Variants in RNGTT observed in about 807,000 individuals in gnomAD.
The protein encoded by RNGTT is RNA guanylyltransferase and 5'-phosphatase.
RNGTT carries 33 observed loss-of-function variants against 79.3 expected under a neutral mutation model. That is an observed-to-expected ratio of 0.42 (90% CI 0.32 to 0.56). The LOEUF (loss-of-function observed/expected upper bound fraction) is 0.56, where lower values mean the gene tolerates loss of function less well. Among genes scored for constraint, RNGTT ranks in the 20% least tolerant of loss-of-function variants. The pLI is 0.17. For missense variants in RNGTT, 497 were observed against 739.1 expected (o/e 0.67, Z 3.80); for synonymous variants, 222 against 235.9 (o/e 0.94, Z 0.54).
At chr6:88,771,324 TATATATATA>T (rs1778664980) in intron 12 of RNGTT, among the ~76,000 whole-genome samples, 1 of 87,872 alleles carries the variant, frequency 1.1e-5, no homozygotes, top group Admixed American at 1.0e-4. Flanking sequence ...TGTATATATA[TATATATATA>T]TATATATATA....
chr6:88,843,655 T>C (rs1313416647), intron 11 of RNGTT, among the ~76,000 whole-genome samples: 4 of 146,610 alleles, frequency 2.7e-5, no homozygotes, highest in Non-Finnish European at 5.9e-5. Flanking sequence ...ACCTTCTGAG[T>C]TCAAGCGATT....
intron 8 of RNGTT, among the ~76,000 whole-genome samples, chr6:88,886,344 GCA>G (rs1782860981): frequency 6.6e-6 from 1 of 152,098 alleles, no homozygotes; most frequent in Non-Finnish European, 1.5e-5. Flanking sequence ...AAGAGACATG[GCA>G]ACCTAATGAA....
chr6:88,853,547 A>T, intron 9 of RNGTT, 82 bp downstream of exon 9: 1 of 990,714 alleles, frequency 1.0e-6, no homozygotes, highest in South Asian at 1.6e-5. Flanking sequence ...GAAATTTCTT[A>T]ACCAACAGAA....
intron 14 of RNGTT, among the ~76,000 whole-genome samples, chr6:88,661,432 CA>C (rs1205331063): frequency 6.6e-6 from 1 of 151,560 alleles, no homozygotes; most frequent in Admixed American, 6.6e-5. Flanking sequence ...TGAGATTAAC[CA>C]AAAAAGAAGA....
intron 11 of RNGTT, among the ~76,000 whole-genome samples, chr6:88,813,872 T>A (rs1030902057): frequency 6.6e-6 from 1 of 152,206 alleles, no homozygotes; most frequent in Non-Finnish European, 1.5e-5. Flanking sequence ...GTATGCTTTT[T>A]GAGGTCAGGA....
At chr6:88,671,926 T>G (rs1467512624) in intron 14 of RNGTT, among the ~76,000 whole-genome samples, 2 of 152,094 alleles carry the variant, frequency 1.3e-5, no homozygotes, top group Non-Finnish European at 2.9e-5. Flanking sequence ...AAAATGAAAC[T>G]GGATCCTCTT....
At chr6:88,739,384 AG>A (rs1394599188) in intron 13 of RNGTT, among the ~76,000 whole-genome samples, 2 of 152,102 alleles carry the variant, frequency 1.3e-5, no homozygotes, top group Non-Finnish European at 2.9e-5. Context: ...CAAAGGGAGA[AG>A]GCAAAACTAA....
chr6:88,699,757 C>CA (rs1175240323), intron 13 of RNGTT, among the ~76,000 whole-genome samples: 1 of 152,158 alleles, frequency 6.6e-6, no homozygotes, highest in Non-Finnish European at 1.5e-5. Flanking sequence ...GACATTCTGA[C>CA]ATGTTATAAT....
chr6:88,797,941 CAAAAAAAAAA>C (rs143559265), intron 12 of RNGTT, among the ~76,000 whole-genome samples: 2 of 65,814 alleles, frequency 3.0e-5, no homozygotes, highest in East Asian at 9.2e-4. Flanking sequence ...AAGCAAAAGC[CAAAAAAAAAA>C]AAAAAAAAAA....
chr6:88,912,237 T>G (rs1247896639), intron 4 of RNGTT, among the ~76,000 whole-genome samples: 1 of 149,258 alleles, frequency 6.7e-6, no homozygotes, highest in Non-Finnish European at 1.5e-5. Context: ...ACCCCATCTC[T>G]ACCAAAAAAA....
intron 8 of RNGTT, among the ~76,000 whole-genome samples, chr6:88,868,329 C>A (rs1782242060): frequency 2.0e-5 from 3 of 152,126 alleles, no homozygotes; most frequent in Admixed American, 6.6e-5. Flanking sequence ...AAATCAGAAG[C>A]TTATGGCTTA....
chr6:88,925,615 T>C (rs536277536), intron 4 of RNGTT, among the ~76,000 whole-genome samples: 1 of 150,274 alleles, frequency 6.7e-6, no homozygotes, highest in South Asian at 2.1e-4. Flanking sequence ...AAAAAACAAC[T>C]AGCTGTTACT....
intron 13 of RNGTT, among the ~76,000 whole-genome samples, chr6:88,738,135 G>T (rs530976623): frequency 6.6e-6 from 1 of 152,150 alleles, no homozygotes; most frequent in Non-Finnish European, 1.5e-5. Flanking sequence ...GATACAGTGT[G>T]ATAGAAATCG....
Position 88,715,670 on chromosome 6 carries a change from C to G in RNGTT, c.1440-37251G>C, listed in dbSNP as rs149372707. On this transcript the variant is annotated intron_variant, in intron 13 of 15. Transcript: ENST00000369485. ...CCTCAGAAATAATGCCGCATATCTA[C>G]AACCATCTGATCTTTCACAAACCTG... 6.6e-3 allele frequency among the ~76,000 whole-genome samples: 1,006 copies of G among 152,272 alleles called. 6 individuals are homozygous for G. Among genetic ancestry groups the G allele is most frequent in the Middle Eastern group, 0.054 (16 of 294 alleles).
At chr6:88,653,591 A>G (rs1476770965) in intron 14 of RNGTT, among the ~76,000 whole-genome samples, 1 of 152,210 alleles carries the variant, frequency 6.6e-6, no homozygotes, top group Non-Finnish European at 1.5e-5. Flanking sequence ...TATTGCCACA[A>G]AGATATACTA....
intron 15 of RNGTT, 106 bp downstream of exon 15, chr6:88,614,166 A>G: frequency 1.9e-6 from 2 of 1,066,850 alleles, no homozygotes; most frequent in East Asian, 2.4e-5. Context: ...ATGAAGTCCA[A>G]ATGACTATGC....
intron 11 of RNGTT, among the ~76,000 whole-genome samples, chr6:88,833,366 T>C (rs1449908034): frequency 2.6e-5 from 4 of 152,054 alleles, no homozygotes; most frequent in African/African-American, 4.8e-5. Context: ...AAGTGGGAGT[T>C]GAACAATGAG....
intron 6 of RNGTT, among the ~76,000 whole-genome samples, chr6:88,893,127 A>C (rs1193586732): frequency 6.6e-6 from 1 of 152,112 alleles, no homozygotes; most frequent in Non-Finnish European, 1.5e-5. Flanking sequence ...CTAAAGGAAA[A>C]AAAGAGTATT....
chr6:88,898,243 CAGAT>C (rs1475111152), intron 6 of RNGTT, among the ~76,000 whole-genome samples: 1 of 152,178 alleles, frequency 6.6e-6, no homozygotes, highest in Non-Finnish European at 1.5e-5. Context: ...AAATAATCCT[CAGAT>C]AAATACTTTC....
Sources: gnomAD v4.1 joint callset for allele counts (sites outside exome capture counted in the v4.1 genomes callset) on GRCh38, gnomAD v4.1.1 for gene constraint, MANE v1.5 for transcripts, NCBI Gene and HGNC (gene_info 2026-07-23, HGNC 2026-07-21) for gene names.